ZFAT: variants seen among roughly 807,000 people sequenced by gnomAD.
The protein encoded by ZFAT is zinc finger protein ZFAT.
Under a neutral mutation model 117.7 loss-of-function variants are expected in ZFAT, and 64 were observed. The observed-to-expected ratio is 0.54, with a 90% CI of 0.44 to 0.67. ZFAT has a LOEUF of 0.67. ZFAT is among the 30% of genes least tolerant of loss of function. ZFAT has a pLI of 0.00. For missense variants in ZFAT, 1,433 were observed against 1,584.5 expected (o/e 0.90, Z 1.62); for synonymous variants, 679 against 615.0 (o/e 1.10, Z -1.54).
At chr8:134,506,174 T>C (rs1819393369) in intron 15 of ZFAT, among the ~76,000 whole-genome samples, 1 of 152,196 alleles carries the variant, frequency 6.6e-6, no homozygotes, top group Non-Finnish European at 1.5e-5. Flanking sequence ...CAGTTCTATT[T>C]ATCAAATACA....
chr8:134,677,601 G>C (rs2131286950), intron 1 of ZFAT, among the ~76,000 whole-genome samples: 1 of 152,238 alleles, frequency 6.6e-6, no homozygotes, highest in African/African-American at 2.4e-5. Flanking sequence ...TATGAGGCCA[G>C]CATCATCCTG....
intron 2 of ZFAT, among the ~76,000 whole-genome samples, chr8:134,640,715 C>T (rs1563715039): frequency 1.3e-5 from 2 of 152,204 alleles, no homozygotes; most frequent in Admixed American, 1.3e-4. Context: ...GGTGACAAAA[C>T]TAATCTTCCA....
At chr8:134,721,748 A>G in the ZFAT span, among the ~76,000 whole-genome samples, 2 of 152,074 alleles carry the variant, frequency 1.3e-5, no homozygotes, top group African/African-American at 2.4e-5. Flanking sequence ...CGTGATTCTT[A>G]CATATTGTAC....
At chr8:134,677,248 A>AAG (rs1443897246) in intron 1 of ZFAT, among the ~76,000 whole-genome samples, 1 of 152,218 alleles carries the variant, frequency 6.6e-6, no homozygotes, top group East Asian at 1.9e-4. Flanking sequence ...GCAATAAAAA[A>AAG]TGATAAAGGG....
intron 3 of ZFAT, among the ~76,000 whole-genome samples, chr8:134,612,310 C>T (rs764111366): frequency 2.0e-5 from 3 of 152,180 alleles, no homozygotes; most frequent in Non-Finnish European, 4.4e-5. Context: ...AGATCGGAAC[C>T]ATGCAGTAAT....
chr8:134,503,026 AACT>A (rs1819111503), intron 15 of ZFAT, among the ~76,000 whole-genome samples: 1 of 152,222 alleles, frequency 6.6e-6, no homozygotes, highest in East Asian at 1.9e-4. Context: ...CAGGGCAGCC[AACT>A]CCTGGGCTGC....
At chr8:134,537,729 T>C in intron 11 of ZFAT, among the ~76,000 whole-genome samples, 1 of 152,096 alleles carries the variant, frequency 6.6e-6, no homozygotes, top group East Asian at 1.9e-4. Context: ...AATTATCCAG[T>C]TAACTGCAGT....
At chr8:134,508,645 T>C (rs1344226518) in intron 15 of ZFAT, among the ~76,000 whole-genome samples, 1 of 152,224 alleles carries the variant, frequency 6.6e-6, no homozygotes, top group Non-Finnish European at 1.5e-5. Context: ...TTGTTCACCA[T>C]CTGACATCCT....
intron 15 of ZFAT, among the ~76,000 whole-genome samples, chr8:134,493,394 T>C (rs1818194933): frequency 6.6e-6 from 1 of 152,228 alleles, no homozygotes. Flanking sequence ...GCAGGCTTCC[T>C]GGCCTCAGTG....
chr8:134,809,942 CA>C, the ZFAT span, among the ~76,000 whole-genome samples: 1 of 152,090 alleles, frequency 6.6e-6, no homozygotes, highest in Admixed American at 6.5e-5. Context: ...AATTTGTCAC[CA>C]CCAACACATA....
chr8:134,505,863 T>C (rs566861828), intron 15 of ZFAT, among the ~76,000 whole-genome samples: 1 of 152,326 alleles, frequency 6.6e-6, no homozygotes, highest in South Asian at 2.1e-4. Context: ...CATAAATTTG[T>C]GGTAATTTGT....
At chr8:134,523,998 T>G (rs984540796) in intron 12 of ZFAT, among the ~76,000 whole-genome samples, 1 of 152,186 alleles carries the variant, frequency 6.6e-6, no homozygotes, top group Non-Finnish European at 1.5e-5. Flanking sequence ...AGCGGGAACT[T>G]CAGGGGCATC....
chr8:134,745,334 G>T, the ZFAT span, among the ~76,000 whole-genome samples: 1 of 152,160 alleles, frequency 6.6e-6, no homozygotes, highest in African/African-American at 2.4e-5. Context: ...CTTGCCATCT[G>T]CTGGGTGGGA....
chr8:134,499,763 G>T (rs1818825355), intron 15 of ZFAT, among the ~76,000 whole-genome samples: 1 of 152,244 alleles, frequency 6.6e-6, no homozygotes, highest in African/African-American at 2.4e-5. Flanking sequence ...GAGTAGCAAG[G>T]GCTTAACTGA....
intron 9 of ZFAT, among the ~76,000 whole-genome samples, chr8:134,586,754 G>A (rs1334879275): frequency 6.6e-6 from 1 of 152,236 alleles, no homozygotes; most frequent in African/African-American, 2.4e-5. Flanking sequence ...TCCTGTCTCA[G>A]TGTAGGAGGT....
the ZFAT span, among the ~76,000 whole-genome samples, chr8:134,768,037 C>G: frequency 3.9e-5 from 6 of 152,258 alleles, no homozygotes; most frequent in East Asian, 1.2e-3. Flanking sequence ...ATCTTTTTGT[C>G]TTTTCATTCT....
intron 5 of ZFAT, among the ~76,000 whole-genome samples, chr8:134,605,545 C>A (rs1182482481): frequency 1.4e-5 from 2 of 147,828 alleles, no homozygotes; most frequent in East Asian, 1.9e-4. Flanking sequence ...CAGAGCCAGA[C>A]CCCATCTCAA....
intron 3 of ZFAT, among the ~76,000 whole-genome samples, chr8:134,613,916 C>T (rs141123600): frequency 1.2e-3 from 187 of 152,312 alleles, no homozygotes; most frequent in Middle Eastern, 6.8e-3. Flanking sequence ...GGGGTTTCCA[C>T]GGCATAGATA....
At chr8:134,500,821 C>T (rs182739152) in intron 15 of ZFAT, among the ~76,000 whole-genome samples, 233 of 152,324 alleles carry the variant, frequency 1.5e-3, no homozygotes, top group Admixed American at 2.9e-3. Flanking sequence ...GTTTCTGAAT[C>T]TACATGCTAA....
Sources: allele counts gnomAD v4.1 joint callset (sites outside exome capture counted in the v4.1 genomes callset), GRCh38; gene constraint gnomAD v4.1.1; transcripts MANE v1.5; gene names NCBI Gene and HGNC (gene_info 2026-07-23, HGNC 2026-07-21).